Variants in HFM1 observed in about 807,000 individuals in gnomAD.
HFM1 encodes probable ATP-dependent DNA helicase HFM1.
A neutral mutation model predicts 192.1 loss-of-function variants in HFM1; 169 were observed. That is an observed-to-expected ratio of 0.88 (90% CI 0.78 to 1.00). HFM1 has a LOEUF of 1.00. HFM1 is among the 50% of genes least tolerant of loss of function. The probability of loss-of-function intolerance (pLI) is 0.00; values close to 1 mark genes in which losing one functional copy is unlikely to be tolerated. For synonymous variants in HFM1, 525 were observed against 537.8 expected (o/e 0.98, Z 0.33); for missense variants, 1,661 against 1,668.0 (o/e 1.00, Z 0.07).
In HFM1 at chr1:91,273,755, G is replaced by A; in HGVS notation, c.3729C>T (p.Ile1243=). The part of the protein sequence containing the change: ...PIMEQWDQPE[I]YGKVRQEPSE... Reference sequence around the variant, plus strand: ...ATGGTTCTTGTCTAACTTTTCCATAGATTTCAGGCTGATCCCACTGCTCCA... The same window carrying A: ...ATGGTTCTTGTCTAACTTTTCCATAAATTTCAGGCTGATCCCACTGCTCCA... Residue 1243 remains isoleucine (I), a synonymous_variant, in exon 34 of 39, where the codon ATC becomes ATT. Coordinates refer to ENST00000370425, the MANE Select transcript of HFM1 (RefSeq NM_001017975.6). The A allele has an allele frequency of 6.2e-7, 1 of 1,602,266 alleles. No homozygotes were observed. Among genetic ancestry groups the A allele is most frequent in the Middle Eastern group, 1.7e-4 (1 of 6,032 alleles).
chr1:91,285,646 G>C (rs972915653), intron 30 of HFM1, among the ~76,000 whole-genome samples: 2 of 152,158 alleles, frequency 1.3e-5, no homozygotes, highest in Non-Finnish European at 2.9e-5. Context: ...ATACGGATGT[G>C]CATAAGTTCC....
At chr1:91,398,495 C>T (rs1663932453) in intron 2 of HFM1, among the ~76,000 whole-genome samples, 1 of 152,124 alleles carries the variant, frequency 6.6e-6, no homozygotes, top group Non-Finnish European at 1.5e-5. Flanking sequence ...TTACAAGTTC[C>T]TACCACATTC....
In HFM1 at chr1:91,271,073, C is replaced by T. The variant is rs116927479; in HGVS notation, c.3772+2639G>A. Among the ~76,000 whole-genome samples, 110 of 152,066 alleles carry T rather than the reference C, an allele frequency of 7.2e-4. No homozygotes were observed. In the East Asian group the frequency reaches 0.02, roughly 27 times the overall value. ...CAATTCTACTGGATCCTAGTAAGGCCGTTATTCATGGTGCCCTGCCTTCTC... is the reference window on the plus strand; with the variant it reads ...CAATTCTACTGGATCCTAGTAAGGCTGTTATTCATGGTGCCCTGCCTTCTC... On this transcript the variant is annotated intron_variant, in intron 34 of 38. Transcript: ENST00000370425.
intron 34 of HFM1, among the ~76,000 whole-genome samples, chr1:91,268,527 CA>C (rs1337669483): frequency 6.6e-6 from 1 of 151,956 alleles, no homozygotes; most frequent in East Asian, 1.9e-4. Flanking sequence ...GTACCTACCT[CA>C]AAAGATTGTT....
At chr1:91,318,310 A>G (rs1452851594) in intron 25 of HFM1, among the ~76,000 whole-genome samples, 1 of 152,242 alleles carries the variant, frequency 6.6e-6, no homozygotes, top group Non-Finnish European at 1.5e-5. Flanking sequence ...TCTTCTTCAT[A>G]AACAGTTGGT....
At chr1:91,263,827 T>C (rs1190592978) in intron 36 of HFM1, among the ~76,000 whole-genome samples, 2 of 152,192 alleles carry the variant, frequency 1.3e-5, no homozygotes, top group Non-Finnish European at 2.9e-5. Context: ...CAGAGGCTTC[T>C]TGTTAGAATC....
At chr1:91,400,567 C>T (rs1213698236) in intron 2 of HFM1, among the ~76,000 whole-genome samples, 4 of 152,004 alleles carry the variant, frequency 2.6e-5, no homozygotes, top group Admixed American at 6.6e-5. Flanking sequence ...CTGCAACCTC[C>T]GCCTCCGGGC....
intron 15 of HFM1, among the ~76,000 whole-genome samples, 165 bp from the exon 16 acceptor site, chr1:91,352,816 CA>C (rs1657136593): frequency 6.6e-6 from 1 of 151,642 alleles, no homozygotes; most frequent in South Asian, 2.1e-4. Context: ...ACCTTAAATC[CA>C]AAAACCTATT....
In HFM1 at chr1:91,304,500, CTT is replaced by C. The variant is rs1337987673; in HGVS notation, c.3391+8847_3391+8848del. ...TTTGTTTTTGAGACAGAGTTTCGCT[CTT>C]GTTGCCCAGGCTGGAGTGCAATGGA... On this transcript the variant is annotated intron_variant, in intron 30 of 38. Coordinates refer to ENST00000370425, the MANE Select transcript of HFM1 (RefSeq NM_001017975.6). Among the ~76,000 whole-genome samples, 7 of 152,078 alleles carry C rather than the reference CTT, an allele frequency of 4.6e-5. 1 individual carries two copies. The highest frequency in any genetic ancestry group is 4.1e-4 in the South Asian group (2 of 4,822).
chr1:91,292,816 C>T (rs529317442), intron 30 of HFM1, among the ~76,000 whole-genome samples: 1 of 152,236 alleles, frequency 6.6e-6, no homozygotes, highest in Non-Finnish European at 1.5e-5. Flanking sequence ...TACAAGGCTA[C>T]AGTAACCAAA....
intron 36 of HFM1, among the ~76,000 whole-genome samples, chr1:91,264,197 A>G (rs987072649): frequency 6.6e-6 from 1 of 152,036 alleles, no homozygotes; most frequent in Non-Finnish European, 1.5e-5. Flanking sequence ...CTTGCCAGTG[A>G]TGTTGAATGA....
chr1:91,307,196 CTGA>C lies in HFM1; in HGVS notation c.3391+6150_3391+6152del, dbSNP rs142469972. ...TTGTATATTTACATCCTATGTATCG[CTGA>C]TTTCTGTTTTTCTCTTGTTACATTA... On this transcript the variant is annotated intron_variant, in intron 30 of 38. Coordinates refer to ENST00000370425, the MANE Select transcript of HFM1 (RefSeq NM_001017975.6). 2.3e-3 allele frequency among the ~76,000 whole-genome samples: 355 copies of C among 152,094 alleles called. 1 individual carries two copies. The highest frequency in any genetic ancestry group is 8.0e-3 in the African/African-American group (334 of 41,506).
intron 13 of HFM1, among the ~76,000 whole-genome samples, chr1:91,374,906 C>T (rs947380053): frequency 4.0e-5 from 6 of 151,868 alleles, no homozygotes; most frequent in Admixed American, 3.9e-4. Context: ...TATACTCACT[C>T]GAATGTCAAC....
chr1:91,384,217 C>T (rs1661900404), intron 6 of HFM1, among the ~76,000 whole-genome samples: 1 of 152,112 alleles, frequency 6.6e-6, no homozygotes, highest in Admixed American at 6.6e-5. Context: ...CTTACTTTAT[C>T]TGCCTTTCAA....
intron 20 of HFM1, chr1:91,329,580 G>C: frequency 8.5e-7 from 1 of 1,177,154 alleles, no homozygotes; most frequent in Non-Finnish European, 1.2e-6. Context: ...ACCCTTAAGA[G>C]CTACAGCTAG....
chr1:91,352,546 G>A lies in HFM1; in HGVS notation c.1937C>T (p.Thr646Ile). Residue 646 changes from threonine (T) to isoleucine (I), a missense_variant, in exon 16 of 39, where the codon ACA becomes ATA. By Grantham distance (89) the Thr-to-Ile change is moderately conservative. Transcript: ENST00000370425. ...TCTACCAATCATCTGTAGAATATCT[G>A]TTTCACTGTACTCTTCAAACAGTCC... is the stretch of plus-strand genomic sequence containing the variant. ...AGGLFEEYSE[T>I]DILQMIGRAG... The A allele has an allele frequency of 6.2e-7, 1 of 1,607,652 alleles. No homozygotes were observed. The highest frequency in any genetic ancestry group is 2.2e-5 in the East Asian group (1 of 44,648).
intron 30 of HFM1, among the ~76,000 whole-genome samples, chr1:91,307,027 T>TA (rs1264870359): frequency 1.3e-5 from 2 of 152,198 alleles, no homozygotes; most frequent in Admixed American, 1.3e-4. Flanking sequence ...CTTTTTGATA[T>TA]ACAATGTAAT....
In HFM1 at chr1:91,289,568, C is replaced by T. The variant is rs1379425501; in HGVS notation, c.3392-12506G>A. ...ACACGCCACTGCACTCCAGCCTGGGCAACATTGAGCACTGAGTGAGCGAGA... is the reference window on the plus strand; with the variant it reads ...ACACGCCACTGCACTCCAGCCTGGGTAACATTGAGCACTGAGTGAGCGAGA... On this transcript the variant is annotated intron_variant, in intron 30 of 38. Coordinates refer to ENST00000370425, the MANE Select transcript of HFM1 (RefSeq NM_001017975.6). Among the ~76,000 whole-genome samples, 3 of 152,238 alleles carry T rather than the reference C, an allele frequency of 2.0e-5. No homozygotes were observed. In the East Asian group the frequency reaches 5.8e-4, roughly 29 times the overall value.
chr1:91,302,020 A>C (rs9442608), intron 30 of HFM1, among the ~76,000 whole-genome samples: 2 of 104,794 alleles, frequency 1.9e-5, no homozygotes, highest in African/African-American at 7.5e-5. Flanking sequence ...AAATTTTTGC[A>C]ATCTACTCAT....
Sources: allele counts gnomAD v4.1 joint callset (sites outside exome capture counted in the v4.1 genomes callset), GRCh38; gene constraint gnomAD v4.1.1; transcripts MANE v1.5; gene names NCBI Gene and HGNC (gene_info 2026-07-23, HGNC 2026-07-21).